The following KIAA1217 variants were observed in gnomAD, a reference collection of about 807,000 sequenced individuals.
KIAA1217 encodes sickle tail protein homolog.
Under a neutral mutation model 163.9 loss-of-function variants are expected in KIAA1217, and 88 were observed. That is an observed-to-expected ratio of 0.54 (90% CI 0.45 to 0.64). The LOEUF (loss-of-function observed/expected upper bound fraction) is 0.64, where lower values mean the gene tolerates loss of function less well. Among genes scored for constraint, KIAA1217 ranks in the 30% least tolerant of loss-of-function variants. The pLI, the probability that KIAA1217 is intolerant of heterozygous loss-of-function variation, is 0.00. For missense variants in KIAA1217, 2,372 were observed against 2,475.0 expected, an observed-to-expected ratio of 0.96 and a Z score of 0.88; for synonymous variants, 903 against 923.1, an observed-to-expected ratio of 0.98 and a Z score of 0.39.
intron 2 of KIAA1217, among the ~76,000 whole-genome samples, chr10:24,272,342 T>C (rs1318787684): frequency 1.3e-5 from 2 of 152,234 alleles, no homozygotes; most frequent in African/African-American, 2.4e-5. Flanking sequence ...TGACATTTTT[T>C]CCACTTAATT....
intron 5 of KIAA1217, among the ~76,000 whole-genome samples, chr10:24,444,424 TG>T (rs952448125): frequency 2.6e-5 from 4 of 152,208 alleles, no homozygotes; most frequent in African/African-American, 9.6e-5. Flanking sequence ...CTTTCCCTTT[TG>T]GGGGCCTGTT....
At chr10:23,794,843 G>T (rs906614598) in intron 1 of KIAA1217, among the ~76,000 whole-genome samples, 48 of 152,214 alleles carry the variant, frequency 3.2e-4, no homozygotes, top group Non-Finnish European at 7.3e-5. Context: ...TTATCTGATT[G>T]TCAAAAGGCA....
chr10:23,837,987 G>A (rs1157020351), intron 1 of KIAA1217, among the ~76,000 whole-genome samples: 1 of 152,076 alleles, frequency 6.6e-6, no homozygotes, highest in Non-Finnish European at 1.5e-5. Flanking sequence ...ACAAAACTCT[G>A]CCAGCAGCCC....
chr10:23,817,762 A>C (rs1275681590), intron 1 of KIAA1217, among the ~76,000 whole-genome samples: 1 of 151,598 alleles, frequency 6.6e-6, no homozygotes, highest in African/African-American at 2.4e-5. Context: ...GTTTGACAGA[A>C]GAGTTTTTGG....
chr10:24,236,987 A>C (rs948731743), intron 2 of KIAA1217, among the ~76,000 whole-genome samples: 1 of 152,202 alleles, frequency 6.6e-6, no homozygotes, highest in Non-Finnish European at 1.5e-5. Flanking sequence ...GGTTTGTTGA[A>C]GCGAATTCAA....
intron 2 of KIAA1217, among the ~76,000 whole-genome samples, chr10:24,311,963 C>A (rs1263785506): frequency 6.6e-6 from 1 of 152,138 alleles, no homozygotes; most frequent in Non-Finnish European, 1.5e-5. Flanking sequence ...ATGAGATGCT[C>A]TCTGCTCTAC....
At chr10:24,113,839 G>C (rs1362817496) in intron 2 of KIAA1217, among the ~76,000 whole-genome samples, 2 of 152,160 alleles carry the variant, frequency 1.3e-5, no homozygotes, top group Non-Finnish European at 2.9e-5. Flanking sequence ...AGAACCGTTA[G>C]CAGAACCAGC....
chr10:24,242,822 A>G (rs1465521073), intron 2 of KIAA1217, among the ~76,000 whole-genome samples: 1 of 152,128 alleles, frequency 6.6e-6, no homozygotes, highest in Non-Finnish European at 1.5e-5. Flanking sequence ...TTTGATTTGC[A>G]TATCTCTGAT....
intron 2 of KIAA1217, chr10:24,275,839 A>C: frequency 2.2e-6 from 1 of 461,482 alleles, no homozygotes; most frequent in Non-Finnish European, 4.4e-6. Context: ...TTTCCAAAGC[A>C]GTGTCTCATC....
chr10:23,854,715 A>G (rs1839555930), intron 1 of KIAA1217, among the ~76,000 whole-genome samples: 1 of 152,176 alleles, frequency 6.6e-6, no homozygotes, highest in South Asian at 2.1e-4. Context: ...GGGTGCATAT[A>G]TATTTAGGAT....
chr10:23,735,039 G>A (rs1344578076), intron 1 of KIAA1217, among the ~76,000 whole-genome samples: 1 of 151,576 alleles, frequency 6.6e-6, no homozygotes, highest in African/African-American at 2.4e-5. Context: ...GTTTCTTGTT[G>A]ATAAACATTT....
intron 1 of KIAA1217, among the ~76,000 whole-genome samples, chr10:23,744,008 GGAGA>G (rs1482296606): frequency 6.6e-6 from 1 of 152,204 alleles, no homozygotes; most frequent in Non-Finnish European, 1.5e-5. Context: ...AGGGCTGGAA[GGAGA>G]GATAGTTTTC....
At chr10:24,512,896 T>TAG (rs1176058572) in intron 9 of KIAA1217, among the ~76,000 whole-genome samples, 1 of 152,200 alleles carries the variant, frequency 6.6e-6, no homozygotes, top group Non-Finnish European at 1.5e-5. Flanking sequence ...CACAGTGGGC[T>TAG]AGAGAGAGAG....
intron 2 of KIAA1217, chr10:24,158,606 C>T: frequency 2.0e-6 from 1 of 507,810 alleles, no homozygotes; most frequent in South Asian, 1.5e-5. Flanking sequence ...TTATCATCTC[C>T]ATCTTTCGCC....
intron 6 of KIAA1217, among the ~76,000 whole-genome samples, chr10:24,479,213 C>T (rs1223774792): frequency 6.6e-6 from 1 of 152,228 alleles, no homozygotes; most frequent in East Asian, 1.9e-4. Flanking sequence ...AATCATTTCA[C>T]ATCACTTTCT....
intron 8 of KIAA1217, among the ~76,000 whole-genome samples, chr10:24,496,994 T>C (rs1210685581): frequency 6.6e-6 from 1 of 152,234 alleles, no homozygotes; most frequent in African/African-American, 2.4e-5. Flanking sequence ...AATGAGCACG[T>C]GGACTCACTC....
intron 1 of KIAA1217, among the ~76,000 whole-genome samples, chr10:23,717,736 G>C (rs1837658177): frequency 1.3e-5 from 2 of 152,124 alleles, no homozygotes; most frequent in African/African-American, 4.8e-5. Context: ...ATGTATGCTA[G>C]AAATCCTCTA....
chr10:23,939,344 C>A lies in KIAA1217; in HGVS notation c.-320-67881C>A, dbSNP rs1451361011. On this transcript the variant is annotated intron_variant, in intron 1 of 18. Transcript: ENST00000376462. ...AACAATCCCTATACGGGGAGGCATGCATGTGTGTGGTGCATACTTCAAATT... is the reference window on the plus strand; with the variant it reads ...AACAATCCCTATACGGGGAGGCATGAATGTGTGTGGTGCATACTTCAAATT... Among the ~76,000 whole-genome samples, 3 of 152,064 alleles carry A rather than the reference C, an allele frequency of 2.0e-5. No homozygotes were observed. The East Asian group carries it at 5.8e-4, about 29-fold the overall frequency.
intron 2 of KIAA1217, among the ~76,000 whole-genome samples, chr10:24,348,669 C>A (rs1210143991): frequency 6.6e-6 from 1 of 152,110 alleles, no homozygotes; most frequent in Non-Finnish European, 1.5e-5. Context: ...GCAAGCCCAC[C>A]ACTGCATGTT....
Sources: allele counts gnomAD v4.1 joint callset (sites outside exome capture counted in the v4.1 genomes callset), GRCh38; gene constraint gnomAD v4.1.1; transcripts MANE v1.5; gene names NCBI Gene and HGNC (gene_info 2026-07-23, HGNC 2026-07-21).